HSF2: variants seen among roughly 807,000 people sequenced by gnomAD.
The protein encoded by HSF2 is heat shock factor protein 2.
In HSF2, 21 loss-of-function variants were observed where a neutral mutation model predicts 65.0. The ratio of observed to expected loss-of-function variants is 0.32; its 90% confidence interval spans 0.23 to 0.47. The LOEUF is 0.47. Among genes scored for constraint, HSF2 ranks in the 20% least tolerant of loss-of-function variants. The pLI, the probability that HSF2 is intolerant of heterozygous loss-of-function variation, is 1.00. For missense variants in HSF2, 499 were observed against 628.1 expected, an observed-to-expected ratio of 0.79 and a Z score of 2.20; for synonymous variants, 225 against 219.1, an observed-to-expected ratio of 1.03 and a Z score of -0.24.
intron 1 of HSF2, among the ~76,000 whole-genome samples, chr6:122,410,184 G>A (rs1055069079): frequency 1.3e-5 from 2 of 151,714 alleles, no homozygotes; most frequent in Non-Finnish European, 3.0e-5. Flanking sequence ...GGTTATGATA[G>A]CATCAATTCA....
At chr6:122,420,761 G>C (rs1402990394) in intron 7 of HSF2, among the ~76,000 whole-genome samples, 1 of 120,338 alleles carries the variant, frequency 8.3e-6, no homozygotes, top group Admixed American at 1.2e-4. Flanking sequence ...ACCCAGCCTG[G>C]AGTGCAGTGG....
intron 9 of HSF2, 131 bp downstream of exon 9, chr6:122,423,088 G>T (rs2114448920): frequency 1.0e-6 from 1 of 959,338 alleles, no homozygotes; most frequent in Non-Finnish European, 1.6e-6. Flanking sequence ...GTTTTGGTCA[G>T]TGTTGAGTTC....
intron 5 of HSF2, 85 bp downstream of exon 5, chr6:122,416,381 C>T: frequency 1.3e-6 from 1 of 779,318 alleles, no homozygotes; most frequent in South Asian, 1.7e-5. Context: ...TATTGAGTGT[C>T]TGTGATTGAT....
chr6:122,399,904 T>C, intron 1 of HSF2, 74 bp downstream of exon 1: 2 of 1,172,412 alleles, frequency 1.7e-6, no homozygotes, highest in Admixed American at 1.8e-5. Flanking sequence ...CGGGGTGGTC[T>C]CTCGCGGCCT....
At chr6:122,424,209 G>C (rs532189073) in intron 10 of HSF2, among the ~76,000 whole-genome samples, 1 of 152,096 alleles carries the variant, frequency 6.6e-6, no homozygotes, top group African/African-American at 2.4e-5. Context: ...CTTCAATATT[G>C]ACTGGACTGA....
intron 9 of HSF2, 58 bp downstream of exon 9, chr6:122,423,015 GTTCTGT>G: frequency 6.3e-7 from 1 of 1,577,638 alleles, no homozygotes; most frequent in Non-Finnish European, 8.7e-7. Flanking sequence ...CACTTCACAT[GTTCTGT>G]TTCTCTTTGA....
At chr6:122,416,445 T>A in intron 5 of HSF2, 149 bp downstream of exon 5, 1 of 497,780 alleles carries the variant, frequency 2.0e-6, no homozygotes, top group Non-Finnish European at 3.6e-6. Context: ...GAAATGAAAT[T>A]AAGCCAAGTG....
At chr6:122,413,706 G>A in intron 4 of HSF2, 57 bp downstream of exon 4, 1 of 1,427,038 alleles carries the variant, frequency 7.0e-7, no homozygotes, top group Non-Finnish European at 9.7e-7. Context: ...GTGTCTATGT[G>A]TGTTGAGTTT....
At chr6:122,414,284 C>G (rs922120930) in intron 4 of HSF2, among the ~76,000 whole-genome samples, 1 of 152,134 alleles carries the variant, frequency 6.6e-6, no homozygotes, top group East Asian at 1.9e-4. Flanking sequence ...TATTACTCTT[C>G]TTAGTAAGTA....
intron 5 of HSF2, among the ~76,000 whole-genome samples, chr6:122,416,630 A>G (rs1774135339): frequency 2.0e-5 from 3 of 152,222 alleles, no homozygotes; most frequent in Admixed American, 2.0e-4. Flanking sequence ...ATTAGAAAAC[A>G]TAGCCTTACT....
intron 1 of HSF2, among the ~76,000 whole-genome samples, chr6:122,400,829 G>A (rs77807234): frequency 0.091 from 13,903 of 152,222 alleles, 755 homozygotes; most frequent in South Asian, 0.15. Flanking sequence ...CACCTATTGA[G>A]GCATATTTTC....
intron 11 of HSF2, among the ~76,000 whole-genome samples, chr6:122,430,999 T>C (rs1445838858): frequency 7.2e-5 from 11 of 152,180 alleles, no homozygotes; most frequent in Admixed American, 7.2e-4. Flanking sequence ...TGTTCACTTA[T>C]GCTAAATATT....
In HSF2 at chr6:122,412,440, A is replaced by G; in HGVS notation, c.161A>G (p.Lys54Arg). 6.2e-7 allele frequency: 1 copy of G among 1,612,714 alleles called. No homozygotes were observed. Among genetic ancestry groups the G allele is most frequent in the Non-Finnish European group, 8.5e-7 (1 of 1,178,906 alleles). Residue 54 changes from lysine (K) to arginine (R), a missense_variant, in exon 2 of 13, where the codon AAG (lysine) becomes AGG (arginine). Around this residue, in one of 2 missense-constraint regions of HSF2, gnomAD observed 150 missense variants for 234.6 expected, o/e 0.64. Coordinates refer to ENST00000368455, the MANE Select transcript of HSF2 (RefSeq NM_004506.4). ...AAAGAAATTCTTCCCAAATATTTCA[A>G]GCACAATAATATGGCAAGCTTTGTG... ...FAKEILPKYF[K>R]HNNMASFVRQ...
At chr6:122,419,145 AT>A (rs1562203115) in intron 5 of HSF2, 22 bp from the exon 6 acceptor site, 1 of 1,147,094 alleles carries the variant, frequency 8.7e-7, no homozygotes, top group East Asian at 2.4e-5. Flanking sequence ...TAATGAAATA[AT>A]TTTTGTTTAT....
At chr6:122,415,450 A>G (rs1206501269) in intron 4 of HSF2, among the ~76,000 whole-genome samples, 2 of 152,188 alleles carry the variant, frequency 1.3e-5, no homozygotes, top group East Asian at 1.9e-4. Context: ...GAAATTTTAA[A>G]TAAGTAATAC....
At chr6:122,420,851 A>T (rs1247001336) in intron 7 of HSF2, among the ~76,000 whole-genome samples, 1 of 150,964 alleles carries the variant, frequency 6.6e-6, no homozygotes, top group Non-Finnish European at 1.5e-5. Context: ...AGCTGGGACT[A>T]TAGGTGTGTG....
chr6:122,409,368 G>T (rs371911138), intron 1 of HSF2, among the ~76,000 whole-genome samples: 1 of 151,972 alleles, frequency 6.6e-6, no homozygotes, highest in Non-Finnish European at 1.5e-5. Flanking sequence ...TAGAAATCTG[G>T]TTTCAGTCGA....
At chr6:122,411,307 G>A (rs1240731845) in intron 1 of HSF2, among the ~76,000 whole-genome samples, 1 of 151,160 alleles carries the variant, frequency 6.6e-6, no homozygotes, top group South Asian at 2.1e-4. Flanking sequence ...GGTTGTTTGG[G>A]TTTTTTTTGT....
chr6:122,401,649 T>G lies in HSF2; in HGVS notation c.93+1819T>G, dbSNP rs1000351585. ...TTTAATCCCATTATTAACTTTAAGC[T>G]TATGTGTTAACCAATTTTCTAATAT... On this transcript the variant is annotated intron_variant, in intron 1 of 12. Coordinates refer to ENST00000368455, the MANE Select transcript of HSF2 (RefSeq NM_004506.4). 4.6e-5 allele frequency among the ~76,000 whole-genome samples: 7 copies of G among 152,202 alleles called. No homozygotes were observed. The East Asian group carries it at 5.8e-4, about 13-fold the overall frequency.
Sources: gnomAD v4.1 joint callset for allele counts (sites outside exome capture counted in the v4.1 genomes callset) on GRCh38, gnomAD v4.1.1 for gene constraint, gnomAD v4.1.1 regional missense constraint, MANE v1.5 for transcripts, NCBI Gene and HGNC (gene_info 2026-07-23, HGNC 2026-07-21) for gene names.